PRR16: variants seen among roughly 807,000 people sequenced by gnomAD.
PRR16 encodes the protein proline rich 16, also known as protein Largen.
In PRR16, 6 loss-of-function variants were observed where a neutral mutation model predicts 18.2. The observed-to-expected ratio is 0.33, with a 90% CI of 0.18 to 0.65. PRR16 has a LOEUF of 0.65. Ranked by LOEUF, PRR16 falls within the 30% of genes least tolerant of loss-of-function variation. PRR16 has a pLI of 0.74. For missense variants in PRR16, 412 were observed against 376.6 expected (o/e 1.09, Z -0.78); for synonymous variants, 151 against 147.8 (o/e 1.02, Z -0.16).
At chr5:120,535,673 T>G (rs150952639) in intron 1 of PRR16, among the ~76,000 whole-genome samples, 1 of 152,112 alleles carries the variant, frequency 6.6e-6, no homozygotes, top group African/African-American at 2.4e-5. Flanking sequence ...GGTGGCTCAC[T>G]CCTGTAATCC....
chr5:120,472,337 A>T (rs1001812638), intron 1 of PRR16, among the ~76,000 whole-genome samples: 1 of 152,130 alleles, frequency 6.6e-6, no homozygotes, highest in African/African-American at 2.4e-5. Flanking sequence ...TTATCTCAAG[A>T]TTTCAAACTG....
chr5:120,657,950 C>G (rs1483911763), intron 1 of PRR16: 2 of 151,918 alleles, frequency 1.3e-5, no homozygotes, highest in Non-Finnish European at 2.9e-5. Flanking sequence ...TATCCCAACA[C>G]CAACGTGCTA....
At chr5:120,769,882 A>AT in the PRR16 span, among the ~76,000 whole-genome samples, 1 of 151,686 alleles carries the variant, frequency 6.6e-6, no homozygotes, top group Admixed American at 6.6e-5. Flanking sequence ...TTTTCTTTTG[A>AT]TTTTTTAATA....
At chr5:120,646,002 G>A (rs947040683) in intron 1 of PRR16, among the ~76,000 whole-genome samples, 2 of 143,138 alleles carry the variant, frequency 1.4e-5, no homozygotes, top group African/African-American at 5.1e-5. Context: ...TCAGGAGTTA[G>A]CCAAAATATG....
At chr5:120,772,218 T>G in the PRR16 span, among the ~76,000 whole-genome samples, 1 of 152,104 alleles carries the variant, frequency 6.6e-6, no homozygotes, top group Admixed American at 6.6e-5. Context: ...CCTGTTTTCT[T>G]CCTTTTTAAC....
chr5:120,582,243 A>C (rs569644624), intron 1 of PRR16, among the ~76,000 whole-genome samples: 40 of 152,290 alleles, frequency 2.6e-4, no homozygotes, highest in Middle Eastern at 3.4e-3. Flanking sequence ...TATAAGTGGG[A>C]GCTAAAGAAT....
In PRR16 at chr5:120,519,924, T is replaced by C. The variant is rs190120867; in HGVS notation, c.159+55279T>C. On this transcript the variant is annotated intron_variant, in intron 1 of 1. Transcript: ENST00000407149. ...ATACCACTTTTCAGGTTTCTCCTTC[T>C]TTACTGAAGAAATCTAATTTTTTTT... Among the ~76,000 whole-genome samples the C allele has an allele frequency of 9.9e-5, 15 of 152,128 alleles. No individual in the cohort carries two copies. The East Asian group carries it at 2.9e-3, about 29-fold the overall frequency.
At chr5:120,788,154 T>A in the PRR16 span, among the ~76,000 whole-genome samples, 1 of 151,800 alleles carries the variant, frequency 6.6e-6, no homozygotes, top group Non-Finnish European at 1.5e-5. Context: ...ATATATTGTG[T>A]CACCAATTTT....
intron 1 of PRR16, among the ~76,000 whole-genome samples, chr5:120,626,874 C>T (rs1412401344): frequency 6.6e-6 from 1 of 152,018 alleles, no homozygotes; most frequent in Non-Finnish European, 1.5e-5. Flanking sequence ...CCTTATTTCT[C>T]TTGGATATGA....
intron 1 of PRR16, among the ~76,000 whole-genome samples, chr5:120,668,642 C>T (rs1393739132): frequency 1.3e-5 from 2 of 152,152 alleles, no homozygotes; most frequent in South Asian, 2.1e-4. Flanking sequence ...TCTTTTAGCA[C>T]AGGCCTGGTG....
intron 1 of PRR16, among the ~76,000 whole-genome samples, chr5:120,581,472 C>A (rs1753269743): frequency 6.6e-6 from 1 of 152,074 alleles, no homozygotes; most frequent in Non-Finnish European, 1.5e-5. Flanking sequence ...AAAACCAGCT[C>A]CTGGATTCGT....
chr5:120,544,370 G>A (rs925616597), intron 1 of PRR16, among the ~76,000 whole-genome samples: 2 of 152,110 alleles, frequency 1.3e-5, no homozygotes, highest in Non-Finnish European at 2.9e-5. Flanking sequence ...TAAATATTCA[G>A]TATGCCGGAA....
intron 1 of PRR16, among the ~76,000 whole-genome samples, chr5:120,560,522 G>C (rs1752542941): frequency 6.6e-6 from 1 of 151,834 alleles, no homozygotes; most frequent in Non-Finnish European, 1.5e-5. Context: ...TTAATGTATT[G>C]TTGAATTTGG....
the PRR16 span, among the ~76,000 whole-genome samples, chr5:120,774,328 G>C: frequency 1.3e-5 from 2 of 152,076 alleles, no homozygotes; most frequent in African/African-American, 2.4e-5. Context: ...CTATGGCTTT[G>C]TCTGCTTACT....
chr5:120,616,309 C>T (rs1337304522), intron 1 of PRR16, among the ~76,000 whole-genome samples: 2 of 152,134 alleles, frequency 1.3e-5, no homozygotes, highest in Non-Finnish European at 2.9e-5. Context: ...CACATTCCGG[C>T]GGCAACAATC....
intron 1 of PRR16, among the ~76,000 whole-genome samples, chr5:120,674,248 GC>G (rs1424278422): frequency 6.6e-6 from 1 of 151,876 alleles, no homozygotes; most frequent in Non-Finnish European, 1.5e-5. Flanking sequence ...TGTTGTCTCT[GC>G]CCCCCTGCCC....
At chr5:120,594,765 G>A (rs541308005) in intron 1 of PRR16, among the ~76,000 whole-genome samples, 1 of 152,200 alleles carries the variant, frequency 6.6e-6, no homozygotes, top group South Asian at 2.1e-4. Flanking sequence ...CGGACAGGTA[G>A]ACCAATGGAA....
In PRR16 at chr5:120,598,534, T is replaced by A. The variant is rs1753886196; in HGVS notation, c.160-87420T>A. On this transcript the variant is annotated intron_variant, in intron 1 of 1. Coordinates refer to ENST00000407149, the MANE Select transcript of PRR16 (RefSeq NM_001300783.2). ...ATGACTGAAACTGTCAACTGGCTAG[T>A]GTGCATATAACCCAACAGGTAGTTT... Among the ~76,000 whole-genome samples the A allele has an allele frequency of 1.3e-5, 2 of 151,856 alleles. 1 individual carries two copies. Among genetic ancestry groups the A allele is most frequent in the South Asian group, 4.1e-4 (2 of 4,830 alleles).
At chr5:120,530,869 C>G (rs4895261) in intron 1 of PRR16, among the ~76,000 whole-genome samples, 38,274 of 152,066 alleles carry the variant, frequency 0.25, 5,376 homozygotes, top group African/African-American at 0.37. Flanking sequence ...TCCCTGCTAC[C>G]AAAATAGTAG....
Sources: allele counts gnomAD v4.1 joint callset (sites outside exome capture counted in the v4.1 genomes callset), GRCh38; gene constraint gnomAD v4.1.1; transcripts MANE v1.5; gene names NCBI Gene and HGNC (gene_info 2026-07-23, HGNC 2026-07-21).